Variants in EHMT1 observed in about 807,000 individuals in gnomAD.
EHMT1 encodes the protein euchromatic histone lysine methyltransferase 1, also known as histone-lysine N-methyltransferase EHMT1.
EHMT1 carries 15 observed loss-of-function variants against 147.2 expected under a neutral mutation model. That is an observed-to-expected ratio of 0.10 (90% CI 0.07 to 0.16). EHMT1 has a LOEUF of 0.16. Ranked by LOEUF, EHMT1 falls within the 10% of genes least tolerant of loss-of-function variation. EHMT1 has a pLI of 1.00. For missense variants in EHMT1, 1,587 were observed against 1,772.4 expected (o/e 0.90, Z 1.88); for synonymous variants, 795 against 709.6 (o/e 1.12, Z -1.91).
rs1488599410 is a variant in EHMT1, at chr9:137,832,440, G to A, written c.3541-1909G>A. 3.7e-5 allele frequency among the ~76,000 whole-genome samples: 5 copies of A among 134,704 alleles called. No individual in the cohort carries two copies. In the Admixed American group the frequency reaches 3.9e-4, roughly 10 times the overall value. The allele number at this position is 134,704 out of a possible 152,430, so 88.4% of individuals were successfully genotyped here. On this transcript the variant is annotated intron_variant, in intron 25 of 26. Transcript: ENST00000460843. ...GCCACTGCACTTTGCTCCCATCCTAGGATTGGCTGGTCTCCCTCAGGCCCC... is the reference window on the plus strand; with the variant it reads ...GCCACTGCACTTTGCTCCCATCCTAAGATTGGCTGGTCTCCCTCAGGCCCC...
In EHMT1 at chr9:137,775,127, A is replaced by G. The variant is rs965864531; in HGVS notation, c.1666A>G (p.Ser556Gly). Residue 556 changes from serine to glycine, a missense_variant, in exon 11 of 27, where the codon AGC (serine) becomes GGC (glycine). Ser to Gly is a moderately conservative substitution (Grantham distance 56, BLOSUM62 0). Transcript: ENST00000460843. This position sits in a 1 kb window ranked among gnomAD's most constrained non-coding sequence, Gnocchi z 6.1. ...ATTGCAGTTGGGCCGGTGCACAAAC[A>G]GCGTGGTCAAGTATGAGCTGATGCG... ...VDHELGRCTNSVVKYELMRPS... is the reference protein window; with the variant it reads ...VDHELGRCTNGVVKYELMRPS... 1 of 1,613,980 alleles carries G rather than the reference A, an allele frequency of 6.2e-7. No individual in the cohort carries two copies. The highest frequency in any genetic ancestry group is 8.5e-7 in the Non-Finnish European group (1 of 1,180,030).
chr9:137,799,826 C>T (rs1431605478), intron 17 of EHMT1, among the ~76,000 whole-genome samples: 2 of 152,240 alleles, frequency 1.3e-5, no homozygotes, highest in African/African-American at 2.4e-5. Context: ...CTCGCCTTTG[C>T]CCTGAGCGCC....
Position 137,637,925 on chromosome 9 carries a change from A to G in EHMT1, c.21+18876A>G, listed in dbSNP as rs1000976632. Among the ~76,000 whole-genome samples, 12 of 151,944 alleles carry G rather than the reference A, an allele frequency of 7.9e-5. 1 individual carries two copies. The highest frequency in any genetic ancestry group is 5.9e-4 in the Admixed American group (9 of 15,222). ...TGTGGGTCTTTCTGAGAATTTGTTC[A>G]TGGCATCCAGGTTATCTAGTTTCCG... On this transcript the variant is annotated intron_variant, in intron 1 of 26. Coordinates refer to ENST00000460843, the MANE Select transcript of EHMT1 (RefSeq NM_024757.5).
rs1484062108 is a variant in EHMT1 at position 137,787,649 on chromosome 9, GCCTGT to G, written c.2383-3197_2383-3193del. ...GGGGTGGAAGCGGGAGGGAGGAGGG[GCCTGT>G]CTTAAGAGCCTCACAGGCTGCACCG... On this transcript the variant is annotated intron_variant, in intron 15 of 26. Transcript: ENST00000460843. This position sits in a 1 kb window ranked among gnomAD's most constrained non-coding sequence, Gnocchi z 4.2. 49 of 577,228 alleles carry G rather than the reference GCCTGT, an allele frequency of 8.5e-5. No homozygotes were observed. The highest frequency in any genetic ancestry group is 8.7e-5 in the Non-Finnish European group (28 of 323,542). The allele number at this position is 577,228 out of a possible 1,614,324, so 35.8% of individuals were successfully genotyped here.
intron 4 of EHMT1, among the ~76,000 whole-genome samples, chr9:137,736,372 A>G (rs1947530189): frequency 6.6e-6 from 1 of 152,244 alleles, no homozygotes; most frequent in Non-Finnish European, 1.5e-5. Context: ...TTCTACATTA[A>G]TAGTTGGAGA....
At chr9:137,755,221 C>G (rs918966727) in intron 8 of EHMT1, among the ~76,000 whole-genome samples, 1 of 152,194 alleles carries the variant, frequency 6.6e-6, no homozygotes, top group Non-Finnish European at 1.5e-5. Context: ...TCCCTCCTGC[C>G]CTTTGATAAC....
In EHMT1 at chr9:137,731,607, G is replaced by A. The variant is rs1399013437; in HGVS notation, c.823+3078G>A. 6.6e-6 allele frequency among the ~76,000 whole-genome samples: 1 copy of A among 152,168 alleles called. No homozygotes were observed. The highest frequency in any genetic ancestry group is 2.4e-5 in the African/African-American group (1 of 41,444). Reference sequence around the variant, plus strand: ...GGGTACGTCCTATCCTGTTGTCACAGGATCCCTTGAGTGTCCCTTTGCTGG... The same window carrying A: ...GGGTACGTCCTATCCTGTTGTCACAAGATCCCTTGAGTGTCCCTTTGCTGG... On this transcript the variant is annotated intron_variant, in intron 4 of 26. Coordinates refer to ENST00000460843, the MANE Select transcript of EHMT1 (RefSeq NM_024757.5). This position sits in a 1 kb window ranked among gnomAD's most constrained non-coding sequence, Gnocchi z 4.3.
chr9:137,834,304 C>T lies in EHMT1; in HGVS notation c.3541-45C>T, dbSNP rs944122363. 2.5e-6 allele frequency: 4 copies of T among 1,609,062 alleles called. No individual in the cohort carries two copies. In the South Asian group the frequency reaches 3.3e-5, roughly 13 times the overall value. On this transcript the variant is annotated intron_variant, in intron 25 of 26. Coordinates refer to ENST00000460843, the MANE Select transcript of EHMT1 (RefSeq NM_024757.5). Reference sequence around the variant, plus strand: ...GCCGTACCCGGCGAGGCCGGCGTGTCGGGGCCTTGCTAACTGCAGCCCGTG... The same window carrying T: ...GCCGTACCCGGCGAGGCCGGCGTGTTGGGGCCTTGCTAACTGCAGCCCGTG...
Position 137,776,799 on chromosome 9 carries a change from A to C in EHMT1, c.1973A>C (p.Glu658Ala). The change falls in exon 12 of 27, where the codon GAG (glutamate) becomes GCG (alanine). Residue 658 changes from glutamate (E) to alanine (A), a missense_variant. Physicochemically the swap from Glu to Ala is moderately radical, Grantham distance 107. Transcript: ENST00000460843. The surrounding 1 kb of genome is among the most constrained non-coding windows in gnomAD (Gnocchi z 4.4). ...TSTVTPVPGQ[E>A]KGSALEGRAD... ...ACCGTGACACCAGTCCCCGGGCAGG[A>C]GAAGGGCTCGGCCCTGGAGGGCAGG... is the stretch of plus-strand genomic sequence containing the variant. 6.2e-7 allele frequency: 1 copy of C among 1,614,034 alleles called. No individual in the cohort carries two copies. Among genetic ancestry groups the C allele is most frequent in the Admixed American group, 1.7e-5 (1 of 60,026 alleles).
intron 25 of EHMT1, 124 bp from the exon 26 acceptor site, chr9:137,834,225 C>A (rs992341805): frequency 8.5e-6 from 11 of 1,290,376 alleles, no homozygotes; most frequent in Non-Finnish European, 1.2e-5. Context: ...GGAGAAGGCC[C>A]CTCCTGCATG....
chr9:137,621,632 AAAC>A (rs1359550794), intron 1 of EHMT1, among the ~76,000 whole-genome samples: 1 of 152,116 alleles, frequency 6.6e-6, no homozygotes, highest in African/African-American at 2.4e-5. Flanking sequence ...AAAAGAAAAA[AAAC>A]TACTGAGGTA....
intron 6 of EHMT1, chr9:137,745,939 C>G (rs748325136): frequency 1.7e-5 from 3 of 178,070 alleles, no homozygotes; most frequent in Non-Finnish European, 3.5e-5. Flanking sequence ...GCTGAGCAGC[C>G]AGCCACCAGT....
At chr9:137,643,713 C>T (rs993611603) in intron 1 of EHMT1, among the ~76,000 whole-genome samples, 2 of 152,132 alleles carry the variant, frequency 1.3e-5, no homozygotes, top group Non-Finnish European at 2.9e-5. Context: ...TGATGAGGAA[C>T]CATTGCTCAT....
intron 1 of EHMT1, among the ~76,000 whole-genome samples, chr9:137,671,246 A>G (rs1041798365): frequency 1.3e-5 from 2 of 152,236 alleles, no homozygotes; most frequent in African/African-American, 2.4e-5. Flanking sequence ...GAAATATACA[A>G]AAAGTTAACT....
intron 7 of EHMT1, among the ~76,000 whole-genome samples, chr9:137,753,762 G>A (rs1186572603): frequency 2.0e-5 from 3 of 152,190 alleles, no homozygotes; most frequent in Non-Finnish European, 4.4e-5. Context: ...CTTGTTCTCT[G>A]TGTAGATCAT....
intron 1 of EHMT1, among the ~76,000 whole-genome samples, chr9:137,650,346 A>G (rs1186548622): frequency 6.6e-6 from 1 of 151,858 alleles, no homozygotes; most frequent in African/African-American, 2.4e-5. Context: ...CGATCTGCTC[A>G]CCTTGGCCTC....
chr9:137,666,733 G>A (rs953083170), intron 1 of EHMT1, among the ~76,000 whole-genome samples: 4 of 152,198 alleles, frequency 2.6e-5, no homozygotes, highest in East Asian at 3.9e-4. Flanking sequence ...TCCTGTCTGC[G>A]TGTTCATTGG....
At chr9:137,834,569 C>T (rs376810410) in intron 26 of EHMT1, 45 bp downstream of exon 26, 25 of 1,606,564 alleles carry the variant, frequency 1.6e-5, no homozygotes, top group Middle Eastern at 1.7e-4. Flanking sequence ...GCCGGCGGGA[C>T]GGTTTTAGGA....
At chr9:137,650,133 C>T (rs1845201256) in intron 1 of EHMT1, among the ~76,000 whole-genome samples, 1 of 152,110 alleles carries the variant, frequency 6.6e-6, no homozygotes, top group Non-Finnish European at 1.5e-5. Flanking sequence ...GGGTCTCACC[C>T]TGTCACCCAG....
Sources: allele counts gnomAD v4.1 joint callset (sites outside exome capture counted in the v4.1 genomes callset), GRCh38; gene constraint gnomAD v4.1.1; non-coding constraint Gnocchi (gnomAD v3.1); transcripts MANE v1.5; gene names NCBI Gene and HGNC (gene_info 2026-07-23, HGNC 2026-07-21).